The following KAT2B variants were observed in gnomAD, a reference collection of about 807,000 sequenced individuals.
KAT2B encodes histone acetyltransferase KAT2B.
A neutral mutation model predicts 105.9 loss-of-function variants in KAT2B; 36 were observed. The ratio of observed to expected loss-of-function variants is 0.34; its 90% CI spans 0.26 to 0.45. The LOEUF (loss-of-function observed/expected upper bound fraction) is 0.45. Among genes scored for constraint, KAT2B ranks in the 20% least tolerant of loss-of-function variants. The pLI, the probability that KAT2B is intolerant of heterozygous loss-of-function variation, is 1.00. For synonymous variants in KAT2B, 397 were observed against 377.9 expected (o/e 1.05, Z -0.59); for missense variants, 820 against 1,021.6 (o/e 0.80, Z 2.69).
chr3:20,058,453 CAAAAAAAAAAAA>C (rs35239760), intron 1 of KAT2B, among the ~76,000 whole-genome samples: 1 of 74,550 alleles, frequency 1.3e-5, no homozygotes, highest in Admixed American at 1.7e-4. Flanking sequence ...GACTCTGTCT[CAAAAAAAAAAAA>C]AAAAAAAAAA....
chr3:20,122,888 A>C, intron 9 of KAT2B, 84 bp downstream of exon 9: 1 of 1,510,310 alleles, frequency 6.6e-7, no homozygotes, highest in Non-Finnish European at 8.9e-7. Flanking sequence ...GGGGATGCTA[A>C]TGCTGAGAGT....
intron 1 of KAT2B, among the ~76,000 whole-genome samples, chr3:20,051,147 C>T (rs971504484): frequency 4.7e-5 from 7 of 147,552 alleles, no homozygotes; most frequent in African/African-American, 1.8e-4. Flanking sequence ...TTGCAGTGAG[C>T]CAAGATCACA....
chr3:20,111,546 G>T, intron 5 of KAT2B, 50 bp from the exon 6 acceptor site: 2 of 1,411,550 alleles, frequency 1.4e-6, no homozygotes, highest in South Asian at 2.6e-5. Context: ...TATTTCTGAT[G>T]ACCTGGGGGT....
chr3:20,136,356 T>C (rs2125188282), intron 11 of KAT2B, among the ~76,000 whole-genome samples: 1 of 152,364 alleles, frequency 6.6e-6, no homozygotes, highest in East Asian at 1.9e-4. Context: ...TTCTAATGTC[T>C]TCTGGCTGAT....
intron 11 of KAT2B, among the ~76,000 whole-genome samples, chr3:20,136,408 G>C (rs1699599528): frequency 6.6e-6 from 1 of 152,178 alleles, no homozygotes; most frequent in Non-Finnish European, 1.5e-5. Context: ...GGAAAGGTCT[G>C]ATAAGACCAA....
At chr3:20,117,744 C>T (rs534260124) in intron 7 of KAT2B, among the ~76,000 whole-genome samples, 2 of 152,280 alleles carry the variant, frequency 1.3e-5, no homozygotes, top group South Asian at 4.1e-4. Context: ...TCTGTACTGC[C>T]ATGCTGTGTC....
At position 20,050,276 on chromosome 3, in the gene KAT2B, A is replaced by G. The variant is rs185242344; in HGVS notation, c.303+9496A>G. Among the ~76,000 whole-genome samples, 4 of 152,180 alleles carry G rather than the reference A, an allele frequency of 2.6e-5. No homozygotes were observed. The East Asian group carries it at 5.8e-4, about 22-fold the overall frequency. ...GTTCACACAACAGTATCTCAACATG[A>G]TAAAAAGGAGTCATTAAAAAAAACT... On this transcript the variant is annotated intron_variant, in intron 1 of 17. Transcript: ENST00000263754.
intron 8 of KAT2B, among the ~76,000 whole-genome samples, chr3:20,121,249 G>A (rs1699302237): frequency 6.6e-6 from 1 of 152,194 alleles, no homozygotes; most frequent in Admixed American, 6.5e-5. Context: ...ACTTTATACT[G>A]TTCTGCTCCT....
chr3:20,052,822 G>A (rs1559511061), intron 1 of KAT2B, among the ~76,000 whole-genome samples: 1 of 151,884 alleles, frequency 6.6e-6, no homozygotes, highest in African/African-American at 2.4e-5. Context: ...ACAAAAAGAC[G>A]AAAATTAGCC....
intron 1 of KAT2B, among the ~76,000 whole-genome samples, chr3:20,060,616 A>C (rs1559513394): frequency 6.6e-6 from 1 of 151,454 alleles, no homozygotes; most frequent in African/African-American, 2.4e-5. Context: ...CAAACAAACA[A>C]ACACACAAAC....
intron 6 of KAT2B, 77 bp downstream of exon 6, chr3:20,111,864 A>G (rs1699127803): frequency 2.6e-6 from 3 of 1,139,026 alleles, no homozygotes; most frequent in East Asian, 2.5e-5. Context: ...AGCCTGCATA[A>G]ATAACAAGAT....
intron 3 of KAT2B, among the ~76,000 whole-genome samples, chr3:20,098,674 G>A (rs1249419572): frequency 1.3e-5 from 2 of 152,146 alleles, no homozygotes; most frequent in Non-Finnish European, 2.9e-5. Context: ...GGGAAAAAAA[G>A]TAAGCAACCA....
intron 13 of KAT2B, among the ~76,000 whole-genome samples, chr3:20,141,510 C>G (rs1263931806): frequency 6.6e-6 from 1 of 152,138 alleles, no homozygotes. Context: ...CTGTGTCATC[C>G]CACGTCAATT....
chr3:20,050,162 T>G (rs1419223935), intron 1 of KAT2B, among the ~76,000 whole-genome samples: 3 of 148,990 alleles, frequency 2.0e-5, no homozygotes, highest in East Asian at 4.0e-4. Context: ...ATCATACCAC[T>G]GCACTCTAGC....
intron 2 of KAT2B, among the ~76,000 whole-genome samples, chr3:20,084,495 C>T (rs377065504): frequency 2.0e-5 from 3 of 152,194 alleles, no homozygotes; most frequent in African/African-American, 7.2e-5. Flanking sequence ...ACATTTTCCC[C>T]CATCTCCATC....
intron 2 of KAT2B, among the ~76,000 whole-genome samples, chr3:20,083,660 G>A (rs751840438): frequency 5.3e-5 from 8 of 152,172 alleles, no homozygotes; most frequent in Non-Finnish European, 8.8e-5. Context: ...GAACAGTCTA[G>A]GGGGCTATTT....
At chr3:20,058,953 A>T (rs1698048919) in intron 1 of KAT2B, among the ~76,000 whole-genome samples, 1 of 152,152 alleles carries the variant, frequency 6.6e-6, no homozygotes, top group Non-Finnish European at 1.5e-5. Context: ...CTGAATCTTA[A>T]TCTTCATTTT....
chr3:20,111,876 G>A (rs533239640), intron 6 of KAT2B, 89 bp downstream of exon 6: 18 of 1,006,810 alleles, frequency 1.8e-5, no homozygotes, highest in Admixed American at 2.6e-5. Context: ...TAACAAGATC[G>A]GAAATGACAG....
At chr3:20,148,161 G>GT in intron 15 of KAT2B, 82 bp from the exon 16 acceptor site, 1 of 1,414,212 alleles carries the variant, frequency 7.1e-7, no homozygotes, top group Non-Finnish European at 9.9e-7. Context: ...TCAGGTTTTT[G>GT]TAAGAATGAG....
Sources: allele counts gnomAD v4.1 joint callset (sites outside exome capture counted in the v4.1 genomes callset), GRCh38; gene constraint gnomAD v4.1.1; transcripts MANE v1.5; gene names NCBI Gene and HGNC (gene_info 2026-07-23, HGNC 2026-07-21).